The following SSTR4 variants were observed in gnomAD, a reference collection of about 807,000 sequenced individuals.
The protein encoded by SSTR4 is somatostatin receptor type 4.
For synonymous variants in SSTR4, 272 were observed against 246.3 expected (o/e 1.10, Z -0.98); for missense variants, 649 against 540.6 (o/e 1.20, Z -1.99).
rs896276715 is a variant in SSTR4 at position 23,036,024 on chromosome 20, A to T, written c.541A>T (p.Ile181Phe). The change falls in exon 1 of 1, where the codon ATC becomes TTC. Residue 181 changes from isoleucine to phenylalanine, a missense_variant. Coordinates refer to ENST00000255008, the MANE Select transcript of SSTR4 (RefSeq NM_001052.4). ...WLASLLVTLP[I>F]AIFADTRPAR... is the part of the protein sequence containing the mutation. ...GGCATCCCTGTTGGTCACTCTCCCCATCGCCATCTTCGCAGACACCAGACC... is the reference window on the plus strand; with the variant it reads ...GGCATCCCTGTTGGTCACTCTCCCCTTCGCCATCTTCGCAGACACCAGACC... The T allele has an allele frequency of 2.8e-5, 44 of 1,591,980 alleles. No individual in the cohort carries two copies. Among genetic ancestry groups the T allele is most frequent in the African/African-American group, 1.2e-4 (9 of 74,582 alleles).
rs1984265557 is a variant in SSTR4, at chr20:23,035,319, C to T, written c.-165C>T. 4.3e-6 allele frequency: 2 copies of T among 463,324 alleles called. No homozygotes were observed. The highest frequency in any genetic ancestry group is 6.5e-6 in the Non-Finnish European group (2 of 306,380). 28.7% of individuals were successfully genotyped at this position (463,324 alleles called of 1,614,324 possible). A position where few individuals can be genotyped will look rare whatever the true frequency, so the allele number is the denominator to read the frequency against. The stretch of plus-strand genomic sequence containing the variant: ...TCGGGCGCCCGCGCGGTGGGGCGCG[C>T]GGCGCGGGGATTGGCGGGCGCTCCC... On this transcript the variant is annotated 5_prime_UTR_variant, in exon 1 of 1. Coordinates refer to ENST00000255008, the MANE Select transcript of SSTR4 (RefSeq NM_001052.4).
In SSTR4 at chr20:23,036,056, C is replaced by T. The variant is rs771296894; in HGVS notation, c.573C>T (p.Arg191=). The part of the protein sequence containing the change: ...IAIFADTRPA[R]GGQAVACNLQ... ...TCTTCGCAGACACCAGACCGGCTCG[C>T]GGCGGCCAGGCCGTGGCCTGCAACC... The change falls in exon 1 of 1, where the codon CGC becomes CGT. Residue 191 remains arginine (R), a synonymous_variant. Transcript: ENST00000255008. 2.5e-6 allele frequency: 4 copies of T among 1,579,140 alleles called. No homozygotes were observed. In the East Asian group the frequency reaches 6.7e-5, roughly 26 times the overall value.
At position 23,036,398 on chromosome 20, in the gene SSTR4, C is replaced by T. The variant is rs1391570637; in HGVS notation, c.915C>T (p.Cys305=). ...VSLILSYANS[C]ANPILYGFLS... ...TTATCCTTAGCTATGCCAACAGCTGCGCCAACCCCATTCTCTATGGCTTCC... is the reference window on the plus strand; with the variant it reads ...TTATCCTTAGCTATGCCAACAGCTGTGCCAACCCCATTCTCTATGGCTTCC... Residue 305 remains cysteine (C), a synonymous_variant, in exon 1 of 1, where the codon TGC becomes TGT. Coordinates refer to ENST00000255008, the MANE Select transcript of SSTR4 (RefSeq NM_001052.4). 1.9e-6 allele frequency: 3 copies of T among 1,614,140 alleles called. No homozygotes were observed. The highest frequency in any genetic ancestry group is 2.5e-6 in the Non-Finnish European group (3 of 1,180,006).
Position 23,037,629 on chromosome 20 carries a change from C to T in SSTR4, c.*979C>T, listed in dbSNP as rs1984364226. On this transcript the variant is annotated 3_prime_UTR_variant, in exon 1 of 1. Coordinates refer to ENST00000255008, the MANE Select transcript of SSTR4 (RefSeq NM_001052.4). ...ATGTAAGTTGAACACAATAAAAGGC[C>T]GTATCTTTGTTGCCTGATGTGTTAA... is the stretch of plus-strand genomic sequence containing the variant. Among the ~76,000 whole-genome samples the T allele has an allele frequency of 2.6e-5, 4 of 152,238 alleles. No homozygotes were observed. Among genetic ancestry groups the T allele is most frequent in the South Asian group, 4.1e-4 (2 of 4,822 alleles).
At position 23,039,043 on chromosome 20, in the gene SSTR4, C is replaced by T. The variant is rs1320912779; in HGVS notation, c.*2393C>T. The T allele has an allele frequency of 6.6e-6, 1 of 152,314 alleles. No homozygotes were observed. Among genetic ancestry groups the T allele is most frequent in the Admixed American group, 6.5e-5 (1 of 15,294 alleles). The allele number at this position is 152,314 out of a possible 1,614,324, so 9.4% of individuals were successfully genotyped here. A position where few individuals can be genotyped will look rare whatever the true frequency, so the allele number is the denominator to read the frequency against. ...TTTTGTAACAACTGGTTGCATGAAA[C>T]CCTCCCTTGTAGTTTGTGTACAGAA... On this transcript the variant is annotated 3_prime_UTR_variant, in exon 1 of 1. Transcript: ENST00000255008.
rs4988477 is a variant in SSTR4 at position 23,036,457 on chromosome 20, T to C, written c.974T>C (p.Val325Ala). ...AACTTCCGCCGATTCTTCCAGCGGG[T>C]TCTCTGCCTGCGCTGCTGCCTCCTG... ...SDNFRRFFQR[V>A]LCLRCCLLEG... The change falls in exon 1 of 1, where the codon GTT becomes GCT. Residue 325 changes from valine to alanine, a missense_variant. Coordinates refer to ENST00000255008, the MANE Select transcript of SSTR4 (RefSeq NM_001052.4). 35 of 1,613,678 alleles carry C rather than the reference T, an allele frequency of 2.2e-5. No individual in the cohort carries two copies. Among genetic ancestry groups the C allele is most frequent in the Non-Finnish European group, 2.9e-5 (34 of 1,179,836 alleles).
At position 23,035,858 on chromosome 20, in the gene SSTR4, C is replaced by T. The variant is rs374360401; in HGVS notation, c.375C>T (p.Val125=). The change falls in exon 1 of 1, where the codon GTC becomes GTT. Residue 125 remains valine, a synonymous_variant. Transcript: ENST00000255008. The part of the protein sequence containing the change: ...GSVLCRAVLS[V]DGLNMFTSVF... The stretch of plus-strand genomic sequence containing the variant: ...TGCTGTGCCGCGCGGTGCTCAGCGT[C>T]GACGGCCTCAACATGTTCACCAGCG... The T allele has an allele frequency of 2.0e-5, 32 of 1,607,452 alleles. No individual in the cohort carries two copies. Among genetic ancestry groups the T allele is most frequent in the Middle Eastern group, 3.3e-4 (2 of 6,046 alleles).
rs1383848527 is a variant in SSTR4, at chr20:23,035,773, T to G, written c.290T>G (p.Met97Arg). The change falls in exon 1 of 1, where the codon ATG becomes AGG. Residue 97 changes from methionine (M) to arginine (R), a missense_variant. Coordinates refer to ENST00000255008, the MANE Select transcript of SSTR4 (RefSeq NM_001052.4). ...CTGGCCGTAGCCGACGAGCTCTTCA[T>G]GCTGAGCGTGCCCTTCGTGGCCTCG... ...LNLAVADELF[M>R]LSVPFVASSA... is the part of the protein sequence containing the mutation. 4 of 1,595,598 alleles carry G rather than the reference T, an allele frequency of 2.5e-6. No individual in the cohort carries two copies. Among genetic ancestry groups the G allele is most frequent in the Non-Finnish European group, 1.7e-6 (2 of 1,170,332 alleles).
In SSTR4 at chr20:23,036,469, G is replaced by T. The variant is rs528126183; in HGVS notation, c.986G>T (p.Arg329Leu). Reference protein sequence around the residue: ...RRFFQRVLCLRCCLLEGAGGA... With the variant: ...RRFFQRVLCLLCCLLEGAGGA... ...TTCTTCCAGCGGGTTCTCTGCCTGC[G>T]CTGCTGCCTCCTGGAAGGTGCTGGA... The change falls in exon 1 of 1, where the codon CGC (arginine) becomes CTC (leucine). Residue 329 changes from arginine (R) to leucine (L), a missense_variant. Coordinates refer to ENST00000255008, the MANE Select transcript of SSTR4 (RefSeq NM_001052.4). 1 of 1,613,718 alleles carries T rather than the reference G, an allele frequency of 6.2e-7. No individual in the cohort carries two copies. The highest frequency in any genetic ancestry group is 2.2e-5 in the East Asian group (1 of 44,866).
At position 23,035,850 on chromosome 20, in the gene SSTR4, C is replaced by T; in HGVS notation, c.367C>T (p.Leu123Phe). 3 of 1,604,876 alleles carry T rather than the reference C, an allele frequency of 1.9e-6. No individual in the cohort carries two copies. Among genetic ancestry groups the T allele is most frequent in the Non-Finnish European group, 2.6e-6 (3 of 1,175,688 alleles). Residue 123 changes from leucine to phenylalanine, a missense_variant, in exon 1 of 1, where the codon CTC becomes TTC. Transcript: ENST00000255008. ...CGGCTCCGTGCTGTGCCGCGCGGTG[C>T]TCAGCGTCGACGGCCTCAACATGTT... ...PFGSVLCRAV[L>F]SVDGLNMFTS...
At position 23,035,808 on chromosome 20, in the gene SSTR4, C is replaced by A; in HGVS notation, c.325C>A (p.Leu109Met). 6.3e-7 allele frequency: 1 copy of A among 1,592,222 alleles called. No individual in the cohort carries two copies. Among genetic ancestry groups the A allele is most frequent in the Non-Finnish European group, 8.6e-7 (1 of 1,168,880 alleles). The change falls in exon 1 of 1, where the codon CTG becomes ATG. Residue 109 changes from leucine (L) to methionine (M), a missense_variant. By Grantham distance (15) the Leu-to-Met change is conservative. Transcript: ENST00000255008. ...GCCCTTCGTGGCCTCGTCGGCCGCC[C>A]TGCGCCACTGGCCCTTCGGCTCCGT... The part of the protein sequence containing the change: ...SVPFVASSAA[L>M]RHWPFGSVLC...
Position 23,035,396 on chromosome 20 carries a change from CA to C in SSTR4, c.-87del, listed in dbSNP as rs1433221472. 1 of 1,029,194 alleles carries C rather than the reference CA, an allele frequency of 9.7e-7. No individual in the cohort carries two copies. The highest frequency in any genetic ancestry group is 1.2e-6 in the Non-Finnish European group (1 of 806,912). The allele number at this position is 1,029,194 out of a possible 1,614,324, so 63.8% of individuals were successfully genotyped here. A position where few individuals can be genotyped will look rare whatever the true frequency, so the allele number is the denominator to read the frequency against. ...CGGGAAGAGCCGCGCGTCTGCGCGC[CA>C]GCCCCCGCCCTGGGCCCGCCGCCCG... On this transcript the variant is annotated 5_prime_UTR_variant, in exon 1 of 1. Coordinates refer to ENST00000255008, the MANE Select transcript of SSTR4 (RefSeq NM_001052.4).
Position 23,036,484 on chromosome 20 carries a change from A to AAGGTGCTGG in SSTR4, c.1010_1018dup (p.Gly337_Ala339dup), listed in dbSNP as rs1984328694. 2.5e-6 allele frequency: 4 copies of AAGGTGCTGG among 1,613,854 alleles called. No individual in the cohort carries two copies. Among genetic ancestry groups the AAGGTGCTGG allele is most frequent in the Non-Finnish European group, 3.4e-6 (4 of 1,179,904 alleles). ...CTCTGCCTGCGCTGCTGCCTCCTGG[A>AAGGTGCTGG]AGGTGCTGGAGGTGCTGAGGAGGAG... On this transcript the variant is annotated inframe_insertion, in exon 1 of 1. Transcript: ENST00000255008.
chr20:23,036,752 A>C lies in SSTR4; in HGVS notation c.*102A>C. On this transcript the variant is annotated 3_prime_UTR_variant, in exon 1 of 1. Transcript: ENST00000255008. ...TCTCCTGAATGCTCACCTAAGCTCC[A>C]CCACCTGTTCCTTCCAGCAGCCCAT... The C allele has an allele frequency of 2.3e-6, 3 of 1,328,540 alleles. No individual in the cohort carries two copies. The highest frequency in any genetic ancestry group is 1.5e-5 in the South Asian group (1 of 68,920). The allele number at this position is 1,328,540 out of a possible 1,614,324, so 82.3% of individuals were successfully genotyped here.
chr20:23,036,039 G>A lies in SSTR4; in HGVS notation c.556G>A (p.Asp186Asn), dbSNP rs1296437036. 24 of 1,591,494 alleles carry A rather than the reference G, an allele frequency of 1.5e-5. No homozygotes were observed. Among genetic ancestry groups the A allele is most frequent in the Non-Finnish European group, 1.9e-5 (22 of 1,173,900 alleles). ...CACTCTCCCCATCGCCATCTTCGCA[G>A]ACACCAGACCGGCTCGCGGCGGCCA... is the stretch of plus-strand genomic sequence containing the variant. ...LVTLPIAIFA[D>N]TRPARGGQAV... is the part of the protein sequence containing the mutation. The change falls in exon 1 of 1, where the codon GAC becomes AAC. Residue 186 changes from aspartate to asparagine, a missense_variant. Coordinates refer to ENST00000255008, the MANE Select transcript of SSTR4 (RefSeq NM_001052.4).
In SSTR4 at chr20:23,035,316, G is replaced by A. The variant is rs1203580819; in HGVS notation, c.-168G>A. The A allele has an allele frequency of 2.1e-5, 9 of 438,428 alleles. No individual in the cohort carries two copies. Among genetic ancestry groups the A allele is most frequent in the South Asian group, 1.1e-4 (1 of 8,740 alleles). 27.2% of individuals were successfully genotyped at this position (438,428 alleles called of 1,614,324 possible). On this transcript the variant is annotated 5_prime_UTR_variant, in exon 1 of 1. Coordinates refer to ENST00000255008, the MANE Select transcript of SSTR4 (RefSeq NM_001052.4). ...CAGTCGGGCGCCCGCGCGGTGGGGC[G>A]CGCGGCGCGGGGATTGGCGGGCGCT...
At position 23,035,638 on chromosome 20, in the gene SSTR4, G is replaced by A; in HGVS notation, c.155G>A (p.Cys52Tyr). The change falls in exon 1 of 1, where the codon TGC becomes TAC. Residue 52 changes from cysteine to tyrosine, a missense_variant. By Grantham distance (194) the Cys-to-Tyr change is radical. Coordinates refer to ENST00000255008, the MANE Select transcript of SSTR4 (RefSeq NM_001052.4). ...ARAAGMVAIQ[C>Y]IYALVCLVGL... ...GCGGCGGGCATGGTCGCTATCCAGT[G>A]CATCTACGCGCTGGTGTGCCTGGTG... The A allele has an allele frequency of 6.5e-7, 1 of 1,540,806 alleles. No homozygotes were observed. The highest frequency in any genetic ancestry group is 1.3e-5 in the South Asian group (1 of 78,652).
At position 23,038,105 on chromosome 20, in the gene SSTR4, T is replaced by C. The variant is rs1274235714; in HGVS notation, c.*1455T>C. The C allele has an allele frequency of 6.6e-6, 1 of 152,178 alleles. No homozygotes were observed. The highest frequency in any genetic ancestry group is 1.5e-5 in the Non-Finnish European group (1 of 68,048). The allele number at this position is 152,178 out of a possible 1,614,324, so 9.4% of individuals were successfully genotyped here. ...CACAGAGACATCAACCATCTCTAAT[T>C]TGTTGGCACCCACCAGGGATACCTT... On this transcript the variant is annotated 3_prime_UTR_variant, in exon 1 of 1. Coordinates refer to ENST00000255008, the MANE Select transcript of SSTR4 (RefSeq NM_001052.4).
Position 23,035,847 on chromosome 20 carries a change from G to T in SSTR4, c.364G>T (p.Val122Leu). ...WPFGSVLCRA[V>L]LSVDGLNMFT... ...CTTCGGCTCCGTGCTGTGCCGCGCG[G>T]TGCTCAGCGTCGACGGCCTCAACAT... is the stretch of plus-strand genomic sequence containing the variant. Residue 122 changes from valine to leucine, a missense_variant, in exon 1 of 1, where the codon GTG becomes TTG. Physicochemically the swap from Val to Leu is conservative, Grantham distance 32. Coordinates refer to ENST00000255008, the MANE Select transcript of SSTR4 (RefSeq NM_001052.4). 1 of 1,603,818 alleles carries T rather than the reference G, an allele frequency of 6.2e-7. No homozygotes were observed. The highest frequency in any genetic ancestry group is 8.5e-7 in the Non-Finnish European group (1 of 1,175,196).
Sources: gnomAD v4.1 joint callset for allele counts (sites outside exome capture counted in the v4.1 genomes callset) on GRCh38, gnomAD v4.1.1 for gene constraint, MANE v1.5 for transcripts, NCBI Gene and HGNC (gene_info 2026-07-23, HGNC 2026-07-21) for gene names.